Variants in CCDC73 observed in about 807,000 individuals in gnomAD.
CCDC73 encodes the protein coiled-coil domain-containing protein 73.
Under a neutral mutation model 116.5 loss-of-function variants are expected in CCDC73, and 95 were observed. The ratio of observed to expected loss-of-function variants is 0.82; its 90% CI spans 0.69 to 0.97. CCDC73 has a LOEUF of 0.97. Among genes scored for constraint, CCDC73 ranks in the 50% least tolerant of loss-of-function variants. The pLI, the probability that CCDC73 is intolerant of heterozygous loss-of-function variation, is 0.00. For synonymous variants in CCDC73, 398 were observed against 401.3 expected, an observed-to-expected ratio of 0.99 and a Z score of 0.10; for missense variants, 1,066 against 1,206.8, an observed-to-expected ratio of 0.88 and a Z score of 1.73.
At chr11:32,797,484 A>C (rs993946960), upstream of CCDC73, among the ~76,000 whole-genome samples, 2 of 152,050 alleles carry the variant, frequency 1.3e-5, no homozygotes, top group African/African-American at 4.8e-5. Context: ...TCATCCTTTA[A>C]ATTCCAGTTC....
At chr11:32,784,186 CG>C (rs1419416997) in intron 1 of CCDC73, among the ~76,000 whole-genome samples, 2 of 151,994 alleles carry the variant, frequency 1.3e-5, no homozygotes, top group African/African-American at 4.8e-5. Flanking sequence ...CAAAATTAGC[CG>C]GGCGTCGTGG....
At position 32,683,589 on chromosome 11, in the gene CCDC73, G is replaced by T. The variant is rs1856167682; in HGVS notation, c.391-15C>A. ...TATTTAGAAACCTTGAAAAATAAGG[G>T]GGAAAAATCTCATTAAAATACTTTA... is the stretch of plus-strand genomic sequence containing the variant. On this transcript the variant is annotated splice_polypyrimidine_tract_variant and intron_variant, in intron 6 of 17. Coordinates refer to ENST00000335185, the MANE Select transcript of CCDC73 (RefSeq NM_001008391.4). 2 of 1,416,866 alleles carry T rather than the reference G, an allele frequency of 1.4e-6. No homozygotes were observed. Among genetic ancestry groups the T allele is most frequent in the Non-Finnish European group, 9.8e-7 (1 of 1,015,264 alleles). The allele number at this position is 1,416,866 out of a possible 1,614,324, so 87.8% of individuals were successfully genotyped here.
chr11:32,744,681 T>G (rs1850218864), intron 2 of CCDC73, among the ~76,000 whole-genome samples: 1 of 152,236 alleles, frequency 6.6e-6, no homozygotes, highest in Admixed American at 6.5e-5. Flanking sequence ...CTAGATTTTC[T>G]AGTTTATATG....
intron 9 of CCDC73, among the ~76,000 whole-genome samples, chr11:32,660,833 A>G (rs1855916567): frequency 6.6e-6 from 1 of 152,134 alleles, no homozygotes; most frequent in Admixed American, 6.6e-5. Context: ...ACTCAAAAAA[A>G]GAGAGAGAGA....
Position 32,606,800 on chromosome 11 carries a change from T to C in CCDC73, c.3031-3780A>G, listed in dbSNP as rs370486731. 6.6e-4 allele frequency among the ~76,000 whole-genome samples: 92 copies of C among 138,754 alleles called. 1 individual carries two copies. The highest frequency in any genetic ancestry group is 2.2e-3 in the African/African-American group (83 of 37,678). The allele number at this position is 138,754 out of a possible 152,430, so 91.0% of individuals were successfully genotyped here. ...GAAAAAGTTAAAAATTCTATAAAAA[T>C]AAATTCTTTTTTTTTTTTTTTTTTT... is the stretch of plus-strand genomic sequence containing the variant. On this transcript the variant is annotated intron_variant, in intron 17 of 17. Coordinates refer to ENST00000335185, the MANE Select transcript of CCDC73 (RefSeq NM_001008391.4).
chr11:32,775,670 C>T (rs1850527321), intron 1 of CCDC73, among the ~76,000 whole-genome samples: 1 of 152,072 alleles, frequency 6.6e-6, no homozygotes, highest in South Asian at 2.1e-4. Flanking sequence ...CCTGAGGGTA[C>T]TTAGTTAGTG....
Position 32,698,010 on chromosome 11 carries a change from A to ATTTTTTTTTTTTT in CCDC73, c.390+1240_390+1241insAAAAAAAAAAAAA, listed in dbSNP as rs1849771437. 1.7e-5 allele frequency among the ~76,000 whole-genome samples: 2 copies of ATTTTTTTTTTTTT among 117,758 alleles called. 1 individual carries two copies. Among genetic ancestry groups the ATTTTTTTTTTTTT allele is most frequent in the Admixed American group, 1.8e-4 (2 of 11,420 alleles). The allele number at this position is 117,758 out of a possible 152,430, so 77.3% of individuals were successfully genotyped here. A position where few individuals can be genotyped will look rare whatever the true frequency, so the allele number is the denominator to read the frequency against. ...TCTGTTGTTTCTTTGTCTAACACTG[A>ATTTTTTTTTTTTT]ATTTTTTTTTTTTTTTTTTTTTTTT... On this transcript the variant is annotated intron_variant, in intron 6 of 17. Transcript: ENST00000335185.
intron 9 of CCDC73, among the ~76,000 whole-genome samples, chr11:32,660,957 C>G (rs138664131): frequency 1.3e-5 from 2 of 152,232 alleles, no homozygotes; most frequent in African/African-American, 4.8e-5. Context: ...GAAGTAATGA[C>G]TTAATATAAA....
intron 2 of CCDC73, among the ~76,000 whole-genome samples, chr11:32,731,970 G>A (rs373380413): frequency 3.9e-5 from 6 of 152,212 alleles, no homozygotes; most frequent in Non-Finnish European, 5.9e-5. Flanking sequence ...AAACTTCTCC[G>A]AGCTAAAGGA....
intron 3 of CCDC73, among the ~76,000 whole-genome samples, chr11:32,717,799 G>A (rs992294101): frequency 2.0e-5 from 3 of 152,108 alleles, no homozygotes; most frequent in South Asian, 2.1e-4. Context: ...GCATGTCTGC[G>A]GAGGCCTCAG....
intron 17 of CCDC73, among the ~76,000 whole-genome samples, chr11:32,607,080 A>ATTTT (rs759164050): frequency 2.0e-4 from 15 of 74,184 alleles, no homozygotes; most frequent in East Asian, 8.7e-4. Context: ...CCAAAAATAA[A>ATTTT]TTTTTTTTTT....
the CCDC73 span, among the ~76,000 whole-genome samples, chr11:32,800,907 T>G: frequency 1.3e-5 from 2 of 152,164 alleles, no homozygotes; most frequent in Non-Finnish European, 2.9e-5. Context: ...ATAACAGAAA[T>G]ATTCAACTTA....
rs139315252 is a variant in CCDC73, at chr11:32,695,967, T to C, written c.390+3284A>G. On this transcript the variant is annotated intron_variant, in intron 6 of 17. Transcript: ENST00000335185. ...TTTCTCAATTATAAAATTTTATTTT[T>C]AATTTTTCCAAATCGTAAGAAAAAA... Among the ~76,000 whole-genome samples the C allele has an allele frequency of 8.0e-3, 1,212 of 152,242 alleles. 12 individuals are homozygous for C. The highest frequency in any genetic ancestry group is 0.012 in the Non-Finnish European group (789 of 68,016).
chr11:32,636,207 T>G (rs981764767), intron 13 of CCDC73, among the ~76,000 whole-genome samples: 4 of 152,228 alleles, frequency 2.6e-5, no homozygotes, highest in South Asian at 2.1e-4. Context: ...ATAAAAAAAT[T>G]TATTTAAATT....
chr11:32,743,769 CTT>C (rs1379878781), intron 2 of CCDC73, among the ~76,000 whole-genome samples: 1 of 151,644 alleles, frequency 6.6e-6, no homozygotes, highest in Non-Finnish European at 1.5e-5. Context: ...TATCCTGAGA[CTT>C]TGCTGAAGTT....
chr11:32,781,728 T>C (rs1272598864), intron 1 of CCDC73, among the ~76,000 whole-genome samples: 3 of 152,162 alleles, frequency 2.0e-5, no homozygotes, highest in South Asian at 2.1e-4. Flanking sequence ...AAAATGTGTA[T>C]ATTAAATGTT....
At chr11:32,712,512 A>G (rs187367530) in intron 3 of CCDC73, among the ~76,000 whole-genome samples, 49 of 152,254 alleles carry the variant, frequency 3.2e-4, no homozygotes, top group Non-Finnish European at 5.9e-4. Flanking sequence ...AGGTGTATCA[A>G]AACATCACAT....
At position 32,613,873 on chromosome 11, in the gene CCDC73, C is replaced by G. The variant is rs771315428; in HGVS notation, c.2445G>C (p.Glu815Asp). The change falls in exon 16 of 18, where the codon GAG becomes GAC. Residue 815 changes from glutamate to aspartate, a missense_variant. Coordinates refer to ENST00000335185, the MANE Select transcript of CCDC73 (RefSeq NM_001008391.4). ...TTTTTGTGGCTTCAGTTACCTGATT[C>G]TCATCAATCTGATTCTTTTTATTGG... is the stretch of plus-strand genomic sequence containing the variant. Reference protein sequence around the residue: ...EFSNKKNQIDENQVTEATKND... With the variant: ...EFSNKKNQIDDNQVTEATKND... 1 of 1,613,318 alleles carries G rather than the reference C, an allele frequency of 6.2e-7. No homozygotes were observed. The highest frequency in any genetic ancestry group is 2.2e-5 in the East Asian group (1 of 44,882).
intron 9 of CCDC73, among the ~76,000 whole-genome samples, chr11:32,665,933 G>A (rs1298281831): frequency 1.3e-5 from 2 of 152,098 alleles, no homozygotes; most frequent in African/African-American, 4.8e-5. Context: ...AGTTTGGCTG[G>A]ATATGAAATT....
Sources: gnomAD v4.1 joint callset for allele counts (sites outside exome capture counted in the v4.1 genomes callset) on GRCh38, gnomAD v4.1.1 for gene constraint, MANE v1.5 for transcripts, NCBI Gene and HGNC (gene_info 2026-07-23, HGNC 2026-07-21) for gene names.